The following NOTCH2 variants were observed in gnomAD, a reference collection of about 807,000 sequenced individuals.
The protein encoded by NOTCH2 is notch receptor 2, also known as neurogenic locus notch homolog protein 2.
NOTCH2 carries 29 observed loss-of-function variants against 235.8 expected under a neutral mutation model. That is an observed-to-expected ratio of 0.12 (90% confidence interval 0.09 to 0.17). NOTCH2 has a LOEUF of 0.17. NOTCH2 is among the 10% of genes least tolerant of loss of function. The pLI is 1.00. For synonymous variants in NOTCH2, 1,086 were observed against 1,141.5 expected, an observed-to-expected ratio of 0.95 and a Z score of 0.98; for missense variants, 2,285 against 3,150.2, an observed-to-expected ratio of 0.73 and a Z score of 6.57.
rs765882340 is a variant in NOTCH2 at position 119,912,980 on chromosome 1, G to C, written c.*2326C>G. ...GTCTGACATTGTGCTTAAGGAAAAG[G>C]GAGGATATAAAATATCCAGTGGCTG... On this transcript the variant is annotated 3_prime_UTR_variant, in exon 34 of 34. Transcript: ENST00000256646. 1.3e-5 allele frequency: 3 copies of C among 233,370 alleles called. No individual in the cohort carries two copies. Among genetic ancestry groups the C allele is most frequent in the African/African-American group, 6.6e-5 (3 of 45,326 alleles). 14.5% of individuals were successfully genotyped at this position (233,370 alleles called of 1,614,324 possible).
rs1489939688 is a variant in NOTCH2 at position 119,996,858 on chromosome 1, C to T, written c.751+139G>A. 42 of 1,008,402 alleles carry T rather than the reference C, an allele frequency of 4.2e-5. No individual in the cohort carries two copies. In the East Asian group the frequency reaches 1.1e-3, roughly 26 times the overall value. The allele number at this position is 1,008,402 out of a possible 1,614,324, so 62.5% of individuals were successfully genotyped here. On this transcript the variant is annotated intron_variant, in intron 4 of 33. Coordinates refer to ENST00000256646, the MANE Select transcript of NOTCH2 (RefSeq NM_024408.4). ...CACAGTGGGCCCATAAAACTCCTCCCTCACTAGCAACCCACCCCACACAAA... is the reference window on the plus strand; with the variant it reads ...CACAGTGGGCCCATAAAACTCCTCCTTCACTAGCAACCCACCCCACACAAA...
chr1:119,955,600 A>G (rs1553198299), intron 12 of NOTCH2, among the ~76,000 whole-genome samples: 1 of 152,270 alleles, frequency 6.6e-6, no homozygotes, highest in East Asian at 1.9e-4. Context: ...AGAAGCATTC[A>G]TTAACATGCT....
chr1:119,968,312 G>A (rs1651224695), intron 6 of NOTCH2, 80 bp from the exon 7 acceptor site: 2 of 1,427,994 alleles, frequency 1.4e-6, no homozygotes, highest in East Asian at 2.4e-5. Context: ...ACCCAGGAGG[G>A]AAAACCTCAT....
chr1:119,996,251 G>C, intron 4 of NOTCH2: 1 of 187,010 alleles, frequency 5.3e-6, no homozygotes, highest in Non-Finnish European at 1.1e-5. Flanking sequence ...CAAGCTCCCC[G>C]ACACTGCTCC....
intron 29 of NOTCH2, among the ~76,000 whole-genome samples, chr1:119,920,810 A>G (rs776799740): frequency 1.2e-4 from 19 of 152,232 alleles, no homozygotes; most frequent in Non-Finnish European, 1.8e-4. Context: ...CAAGGCTGTA[A>G]GCTTCTCAAG....
chr1:119,951,171 CA>C (rs1473024723), intron 14 of NOTCH2, among the ~76,000 whole-genome samples: 1 of 152,118 alleles, frequency 6.6e-6, no homozygotes, highest in Non-Finnish European at 1.5e-5. Flanking sequence ...ATTTTTGAGA[CA>C]GGGGGTCTCA....
At chr1:119,958,585 C>T (rs1650801631) in intron 12 of NOTCH2, among the ~76,000 whole-genome samples, 1 of 152,134 alleles carries the variant, frequency 6.6e-6, no homozygotes, top group South Asian at 2.1e-4. Flanking sequence ...TGTGTGCCTT[C>T]TGATGATGCC....
At chr1:120,033,705 T>C (rs1654191173) in intron 1 of NOTCH2, among the ~76,000 whole-genome samples, 1 of 150,774 alleles carries the variant, frequency 6.6e-6, no homozygotes, top group Admixed American at 6.6e-5. Context: ...AATTTTTTTG[T>C]ATATGTTTGA....
chr1:119,998,728 C>G (rs61786988), intron 3 of NOTCH2, among the ~76,000 whole-genome samples: 2 of 151,032 alleles, frequency 1.3e-5, no homozygotes, highest in Non-Finnish European at 3.0e-5. Context: ...CTAGGGTACA[C>G]GTGCACAACA....
rs200066124 is a variant in NOTCH2, at chr1:120,000,253, C to T, written c.416-2921G>A. Among the ~76,000 whole-genome samples the T allele has an allele frequency of 3.6e-4, 55 of 151,688 alleles. No individual in the cohort carries two copies. In the East Asian group the frequency reaches 9.0e-3, roughly 25 times the overall value. ...CATATGTATAAAAGATGATCAGAAT[C>T]GGCCGGGTGTGGTGGCTCACACCTG... On this transcript the variant is annotated intron_variant, in intron 3 of 33. Coordinates refer to ENST00000256646, the MANE Select transcript of NOTCH2 (RefSeq NM_024408.4).
intron 5 of NOTCH2, among the ~76,000 whole-genome samples, chr1:119,977,083 T>TG (rs1409531309): frequency 4.6e-5 from 7 of 152,232 alleles, no homozygotes; most frequent in African/African-American, 1.7e-4. Context: ...CATGAAGAAA[T>TG]GGGGGGTAGC....
chr1:120,002,016 G>A (rs1215761857), intron 3 of NOTCH2, among the ~76,000 whole-genome samples: 2 of 152,142 alleles, frequency 1.3e-5, no homozygotes, highest in African/African-American at 4.8e-5. Context: ...TCCAATATGT[G>A]GTACTGCTTC....
intron 1 of NOTCH2, among the ~76,000 whole-genome samples, chr1:120,060,477 A>T (rs1553216028): frequency 6.7e-6 from 1 of 149,552 alleles, no homozygotes; most frequent in Non-Finnish European, 1.5e-5. Context: ...ATATAAAAAT[A>T]AATCAACAGC....
intron 22 of NOTCH2, among the ~76,000 whole-genome samples, chr1:119,932,899 T>C (rs1230160437): frequency 6.6e-6 from 1 of 152,142 alleles, no homozygotes; most frequent in African/African-American, 2.4e-5. Flanking sequence ...GAGGGAAAAT[T>C]TGCCCACCAG....
chr1:119,915,929 T>C lies in NOTCH2; in HGVS notation c.6793A>G (p.Asn2265Asp). The C allele has an allele frequency of 3.7e-6, 6 of 1,614,102 alleles. No homozygotes were observed. The highest frequency in any genetic ancestry group is 5.1e-6 in the Non-Finnish European group (6 of 1,180,020). ...NRMEVNETQY[N>D]EMFGMVLAPA... ...GCCAGGACCATACCAAACATCTCATTGTACTGGGTCTCATTCACCTCCATG... is the reference window on the plus strand; with the variant it reads ...GCCAGGACCATACCAAACATCTCATCGTACTGGGTCTCATTCACCTCCATG... Residue 2265 changes from asparagine to aspartate, a missense_variant, in exon 34 of 34, where the codon AAT (asparagine) becomes GAT (aspartate). Physicochemically the swap from Asn to Asp is conservative, Grantham distance 23 (BLOSUM62 1). Around this residue, in one of 6 missense-constraint regions of NOTCH2, gnomAD observed 504 missense variants for 538.0 expected, o/e 0.94. Coordinates refer to ENST00000256646, the MANE Select transcript of NOTCH2 (RefSeq NM_024408.4).
In NOTCH2 at chr1:119,922,282, T is replaced by C; in HGVS notation, c.5167A>G (p.Asn1723Asp). ...CCCACTGGCTCACGACGCTTGTGAT[T>C]GCTTGCATCTCGGCGAAGAGTGAAA... ...EGFTLRRDAS[N>D]HKRREPVGQD... Residue 1723 changes from asparagine to aspartate, a missense_variant, in exon 28 of 34, where the codon AAT (asparagine) becomes GAT (aspartate). Around this residue, in one of 6 missense-constraint regions of NOTCH2, gnomAD observed 1,173 missense variants for 1,515.3 expected, o/e 0.77. Coordinates refer to ENST00000256646, the MANE Select transcript of NOTCH2 (RefSeq NM_024408.4). The C allele has an allele frequency of 6.2e-7, 1 of 1,614,170 alleles. No homozygotes were observed. Among genetic ancestry groups the C allele is most frequent in the Admixed American group, 1.7e-5 (1 of 60,022 alleles).
chr1:119,998,885 T>TGTGTCCAAGTGTTCTC (rs1652594416), intron 3 of NOTCH2, among the ~76,000 whole-genome samples: 2 of 136,852 alleles, frequency 1.5e-5, no homozygotes, highest in East Asian at 4.1e-4. Context: ...TTCCCCTTCC[T>TGTGTCCAAGTGTTCTC]GTGTCCAAGT....
intron 11 of NOTCH2, among the ~76,000 whole-genome samples, chr1:119,960,368 G>C (rs782667273): frequency 4.6e-5 from 7 of 151,474 alleles, no homozygotes; most frequent in Non-Finnish European, 1.0e-4. Flanking sequence ...CCTTATTTTT[G>C]CTCTACTGCC....
chr1:119,925,316 G>T lies in NOTCH2; in HGVS notation c.4500C>A (p.Ser1500Arg). 6.2e-7 allele frequency: 1 copy of T among 1,613,836 alleles called. No homozygotes were observed. Among genetic ancestry groups the T allele is most frequent in the Non-Finnish European group, 8.5e-7 (1 of 1,180,030 alleles). ...CGTGAAGCCCTTACTTGCATGTCTTGCTGTTCCCCTGGCATTCAAAGTTGT... is the reference window on the plus strand; with the variant it reads ...CGTGAAGCCCTTACTTGCATGTCTTTCTGTTCCCCTGGCATTCAAAGTTGT... ...LFDNFECQGN[S>R]KTCKYDKYCA... is the part of the protein sequence containing the mutation. The change falls in exon 25 of 34, where the codon AGC (serine) becomes AGA (arginine). Residue 1500 changes from serine (S) to arginine (R), a missense_variant. Ser to Arg is a moderately radical substitution (Grantham distance 110). Around this residue, in one of 6 missense-constraint regions of NOTCH2, gnomAD observed 1,173 missense variants for 1,515.3 expected, o/e 0.77. Coordinates refer to ENST00000256646, the MANE Select transcript of NOTCH2 (RefSeq NM_024408.4).
Sources: allele counts gnomAD v4.1 joint callset (sites outside exome capture counted in the v4.1 genomes callset), GRCh38; gene constraint gnomAD v4.1.1; regional missense constraint gnomAD v4.1.1; transcripts MANE v1.5; gene names NCBI Gene and HGNC (gene_info 2026-07-23, HGNC 2026-07-21).